CHRM2: variants seen among roughly 807,000 people sequenced by gnomAD.
CHRM2 encodes the protein muscarinic acetylcholine receptor M2.
In CHRM2, 8 loss-of-function variants were observed where a neutral mutation model predicts 25.0. The ratio of observed to expected loss-of-function variants is 0.32; its 90% CI spans 0.19 to 0.58. The LOEUF is 0.58. Ranked by LOEUF, CHRM2 falls within the 20% of genes least tolerant of loss-of-function variation. CHRM2 has a pLI of 0.88. For synonymous variants in CHRM2, 202 were observed against 205.7 expected (o/e 0.98, Z 0.15); for missense variants, 440 against 567.1 (o/e 0.78, Z 2.28).
chr7:136,908,406 A>C (rs1158927937), intron 2 of CHRM2, among the ~76,000 whole-genome samples: 1 of 151,972 alleles, frequency 6.6e-6, no homozygotes, highest in Non-Finnish European at 1.5e-5. Context: ...GGGCATAAGT[A>C]ATTGTGTTTA....
chr7:136,895,934 C>A (rs1227664702), intron 2 of CHRM2, among the ~76,000 whole-genome samples: 4 of 152,086 alleles, frequency 2.6e-5, no homozygotes, highest in Non-Finnish European at 5.9e-5. Flanking sequence ...TTGGGGAGAC[C>A]TTCTAAACAC....
chr7:137,014,572 T>C (rs1361957859), intron 3 of CHRM2, among the ~76,000 whole-genome samples: 1 of 152,010 alleles, frequency 6.6e-6, no homozygotes, highest in African/African-American at 2.4e-5. Context: ...TAGATACTCA[T>C]ATCTGGATAA....
Position 136,897,380 on chromosome 7 carries a change from G to A in CHRM2, c.-125+27962G>A, listed in dbSNP as rs574551174. ...AGTATATTAATCACAACTTGCTATT[G>A]CATATATACATTTAAAAATAAACGG... On this transcript the variant is annotated intron_variant, in intron 2 of 3. Transcript: ENST00000680005. Among the ~76,000 whole-genome samples the A allele has an allele frequency of 3.1e-3, 467 of 152,066 alleles. 2 individuals carry two copies. The highest frequency in any genetic ancestry group is 5.1e-3 in the Non-Finnish European group (347 of 67,964).
At chr7:136,945,706 C>T (rs1459812010) in intron 2 of CHRM2, among the ~76,000 whole-genome samples, 1 of 152,034 alleles carries the variant, frequency 6.6e-6, no homozygotes, top group Non-Finnish European at 1.5e-5. Flanking sequence ...TATGCGGGCT[C>T]TTCTTTGGTT....
At chr7:136,884,612 A>G (rs1214009688) in intron 2 of CHRM2, among the ~76,000 whole-genome samples, 1 of 152,112 alleles carries the variant, frequency 6.6e-6, no homozygotes, top group Non-Finnish European at 1.5e-5. Context: ...TAGTCCAGAG[A>G]AATTCACAAT....
chr7:136,975,198 A>C (rs985150086), intron 2 of CHRM2, among the ~76,000 whole-genome samples: 2 of 152,176 alleles, frequency 1.3e-5, no homozygotes, highest in Admixed American at 6.5e-5. Context: ...AAAGGTATAC[A>C]TCAGCCTATA....
chr7:137,000,037 G>C (rs1347287370), intron 3 of CHRM2, among the ~76,000 whole-genome samples: 2 of 151,924 alleles, frequency 1.3e-5, no homozygotes, highest in Non-Finnish European at 1.5e-5. Flanking sequence ...ATCTCAAACA[G>C]ACCTATTGCA....
chr7:136,967,750 C>A (rs966092601), intron 2 of CHRM2, among the ~76,000 whole-genome samples: 2 of 151,978 alleles, frequency 1.3e-5, no homozygotes, highest in Non-Finnish European at 2.9e-5. Flanking sequence ...CTTTCTGTGA[C>A]TTTGCACCTT....
chr7:136,897,843 AT>A, intron 2 of CHRM2, among the ~76,000 whole-genome samples: 1 of 152,230 alleles, frequency 6.6e-6, no homozygotes, highest in Admixed American at 6.5e-5. Flanking sequence ...TCTCAATGTG[AT>A]TTTTAGCCGT....
At chr7:136,889,756 G>A (rs1796616319) in intron 2 of CHRM2, among the ~76,000 whole-genome samples, 1 of 152,224 alleles carries the variant, frequency 6.6e-6, no homozygotes, top group East Asian at 1.9e-4. Flanking sequence ...GATTCAGATA[G>A]AACCTCCAAC....
chr7:136,907,999 C>T (rs1046310784), intron 2 of CHRM2: 4 of 151,786 alleles, frequency 2.6e-5, no homozygotes, highest in Non-Finnish European at 5.9e-5. Flanking sequence ...GAAAGATTTG[C>T]AAAGAAATAA....
rs75638315 is a variant in CHRM2, at chr7:136,915,858, A to T, written c.-125+46440A>T. On this transcript the variant is annotated intron_variant, in intron 2 of 3. Transcript: ENST00000680005. ...ATCAGGAAGCATTTTGAAAAGAAACATTTTTTTTTTTTTTTGGTTCTTTGA... is the reference window on the plus strand; with the variant it reads ...ATCAGGAAGCATTTTGAAAAGAAACTTTTTTTTTTTTTTTTGGTTCTTTGA... Among the ~76,000 whole-genome samples, 17 of 141,888 alleles carry T rather than the reference A, an allele frequency of 1.2e-4. 1 individual carries two copies. Among genetic ancestry groups the T allele is most frequent in the African/African-American group, 4.3e-4 (17 of 39,184 alleles). 93.1% of individuals were successfully genotyped at this position (141,888 alleles called of 152,430 possible).
rs138058497 is a variant in CHRM2, at chr7:136,895,753, T to C, written c.-125+26335T>C. On this transcript the variant is annotated intron_variant, in intron 2 of 3. Transcript: ENST00000680005. ...TTGGCCAATCGCTTTGTTGTCAGTA[T>C]AGTTACCATCATAGAAAATAAGGAT... 7.9e-5 allele frequency among the ~76,000 whole-genome samples: 12 copies of C among 152,334 alleles called. No individual in the cohort carries two copies. The East Asian group carries it at 1.9e-3, about 25-fold the overall frequency.
At chr7:136,951,244 G>A (rs1378588660) in intron 2 of CHRM2, among the ~76,000 whole-genome samples, 1 of 152,176 alleles carries the variant, frequency 6.6e-6, no homozygotes, top group Non-Finnish European at 1.5e-5. Context: ...AAGGTGCCAG[G>A]CACATGGATG....
intron 2 of CHRM2, among the ~76,000 whole-genome samples, chr7:136,896,191 C>T (rs1367192531): frequency 6.6e-6 from 1 of 152,064 alleles, no homozygotes; most frequent in African/African-American, 2.4e-5. Context: ...GTCTCCTCAT[C>T]TGAAAATGAG....
chr7:136,886,802 G>T (rs953332168), intron 2 of CHRM2, among the ~76,000 whole-genome samples: 1 of 152,164 alleles, frequency 6.6e-6, no homozygotes, highest in African/African-American at 2.4e-5. Context: ...GCCCCCAGCA[G>T]GTCGAGGCTG....
chr7:137,000,492 G>A (rs984116597), intron 3 of CHRM2, among the ~76,000 whole-genome samples: 16 of 140,086 alleles, frequency 1.1e-4, no homozygotes, highest in East Asian at 2.0e-4. Flanking sequence ...GAGCCACCGC[G>A]CCTAGTCTCA....
intron 2 of CHRM2, among the ~76,000 whole-genome samples, chr7:136,900,309 C>A (rs1797126589): frequency 6.6e-6 from 1 of 152,016 alleles, no homozygotes; most frequent in African/African-American, 2.4e-5. Flanking sequence ...TGTTTTGCAG[C>A]CAAGTTAACT....
At chr7:136,998,736 G>A (rs753979953) in intron 3 of CHRM2, among the ~76,000 whole-genome samples, 11 of 152,132 alleles carry the variant, frequency 7.2e-5, no homozygotes, top group Admixed American at 1.3e-4. Flanking sequence ...GGTGGTTTGG[G>A]TGGACAATGT....
Sources: gnomAD v4.1 joint callset for allele counts (sites outside exome capture counted in the v4.1 genomes callset) on GRCh38, gnomAD v4.1.1 for gene constraint, MANE v1.5 for transcripts, NCBI Gene and HGNC (gene_info 2026-07-23, HGNC 2026-07-21) for gene names.